The following MRTFB variants were observed in gnomAD, a reference collection of about 807,000 sequenced individuals.
MRTFB encodes myocardin-related transcription factor B.
Under a neutral mutation model 104.2 loss-of-function variants are expected in MRTFB, and 29 were observed. The ratio of observed to expected loss-of-function variants is 0.28; its 90% confidence interval spans 0.21 to 0.38. The LOEUF is 0.38. Ranked by LOEUF, MRTFB falls within the 10% of genes least tolerant of loss-of-function variation. The probability of loss-of-function intolerance (pLI) is 1.00; values close to 1 mark genes in which losing one functional copy is unlikely to be tolerated. For missense variants in MRTFB, 1,270 were observed against 1,341.6 expected (o/e 0.95, Z 0.83); for synonymous variants, 535 against 519.5 (o/e 1.03, Z -0.41).
intron 9 of MRTFB, among the ~76,000 whole-genome samples, chr16:14,236,111 G>A (rs1242273766): frequency 6.6e-6 from 1 of 151,944 alleles, no homozygotes; most frequent in African/African-American, 2.4e-5. Context: ...AGCCCAGGAG[G>A]TTAAGGCTGC....
the MRTFB span, chr16:14,020,453 C>G: frequency 6.6e-6 from 1 of 152,130 alleles, no homozygotes; most frequent in African/African-American, 2.4e-5. Context: ...ATTCTTGAAG[C>G]TTATAGCCAA....
intron 2 of MRTFB, among the ~76,000 whole-genome samples, chr16:14,081,465 G>A (rs1259038266): frequency 1.3e-5 from 2 of 152,014 alleles, no homozygotes; most frequent in Admixed American, 1.3e-4. Flanking sequence ...GCTAATTTTT[G>A]TATTTTTAGT....
the MRTFB span, among the ~76,000 whole-genome samples, chr16:13,999,815 A>G: frequency 6.6e-5 from 10 of 152,162 alleles, no homozygotes; most frequent in African/African-American, 2.2e-4. Context: ...TTTATTATAT[A>G]AGCCAATGTA....
At chr16:14,053,174 C>T in the MRTFB span, among the ~76,000 whole-genome samples, 3 of 152,050 alleles carry the variant, frequency 2.0e-5, no homozygotes, top group Admixed American at 1.3e-4. Flanking sequence ...GATCCTCCCA[C>T]GTCGACCTCC....
At chr16:14,029,445 T>TATATAC in the MRTFB span, among the ~76,000 whole-genome samples, 1,425 of 85,772 alleles carry the variant, frequency 0.017, 28 homozygotes, top group Middle Eastern at 0.052. Flanking sequence ...TATATATATA[T>TATATAC]ACACACACAC....
the MRTFB span, among the ~76,000 whole-genome samples, chr16:14,001,090 C>T: frequency 1.9e-3 from 291 of 152,374 alleles, 2 homozygotes; most frequent in African/African-American, 6.8e-3. Context: ...TCCGCAGTAC[C>T]TGCCCTTTGA....
intron 15 of MRTFB, among the ~76,000 whole-genome samples, chr16:14,253,232 C>T (rs1312868428): frequency 6.6e-6 from 1 of 152,192 alleles, no homozygotes; most frequent in Non-Finnish European, 1.5e-5. Flanking sequence ...TCCAATCTTT[C>T]TCTCTAAAGC....
At chr16:14,148,998 A>C (rs61693452) in intron 3 of MRTFB, among the ~76,000 whole-genome samples, 1 of 152,222 alleles carries the variant, frequency 6.6e-6, no homozygotes, top group Non-Finnish European at 1.5e-5. Flanking sequence ...ATTAGTAAAC[A>C]TACTTGCCAG....
chr16:14,157,620 T>A (rs1476976315), intron 3 of MRTFB, among the ~76,000 whole-genome samples: 1 of 152,082 alleles, frequency 6.6e-6, no homozygotes, highest in Non-Finnish European at 1.5e-5. Flanking sequence ...GTGGGCTTGG[T>A]GAGGGAGGCT....
intron 2 of MRTFB, among the ~76,000 whole-genome samples, chr16:14,096,129 T>G (rs2035354353): frequency 6.6e-6 from 1 of 152,062 alleles, no homozygotes; most frequent in Non-Finnish European, 1.5e-5. Context: ...CAGGCTGCAG[T>G]GCAGTGGCGC....
intron 3 of MRTFB, among the ~76,000 whole-genome samples, chr16:14,145,507 C>CG (rs1336700747): frequency 6.6e-6 from 1 of 152,064 alleles, no homozygotes; most frequent in Non-Finnish European, 1.5e-5. Context: ...GATAGTGGAG[C>CG]GGCAGGATAT....
chr16:14,148,866 T>C (rs2038466187), intron 3 of MRTFB: 1 of 152,364 alleles, frequency 6.6e-6, no homozygotes, highest in African/African-American at 2.4e-5. Context: ...GTTTGCCGTG[T>C]GCTATTCATT....
At chr16:14,188,835 TTC>T (rs1328624880) in intron 3 of MRTFB, among the ~76,000 whole-genome samples, 12 of 152,190 alleles carry the variant, frequency 7.9e-5, no homozygotes, top group South Asian at 2.1e-4. Context: ...TTCTTTTTCC[TTC>T]TGTTTAAATT....
chr16:14,060,922 AG>A, the MRTFB span, among the ~76,000 whole-genome samples: 1 of 151,958 alleles, frequency 6.6e-6, no homozygotes, highest in Non-Finnish European at 1.5e-5. Context: ...CAAGGTGGGC[AG>A]ATCAGGAGGT....
chr16:14,161,718 A>G (rs1419793674), intron 3 of MRTFB, among the ~76,000 whole-genome samples: 2 of 152,192 alleles, frequency 1.3e-5, no homozygotes, highest in Non-Finnish European at 1.5e-5. Context: ...TAGCATATAG[A>G]AGGACTTCTA....
At chr16:14,117,001 A>T (rs1033057128) in intron 2 of MRTFB, among the ~76,000 whole-genome samples, 27 of 152,210 alleles carry the variant, frequency 1.8e-4, no homozygotes, top group Non-Finnish European at 4.0e-4. Flanking sequence ...ACAGATGAAG[A>T]GTCTAGCTCA....
At chr16:14,007,013 T>A in the MRTFB span, among the ~76,000 whole-genome samples, 4 of 152,200 alleles carry the variant, frequency 2.6e-5, no homozygotes, top group Non-Finnish European at 5.9e-5. Context: ...TGAGACCCTG[T>A]CTATTAAAAT....
intron 8 of MRTFB, among the ~76,000 whole-genome samples, chr16:14,229,345 C>CAT (rs2042156751): frequency 6.6e-6 from 1 of 152,020 alleles, no homozygotes; most frequent in South Asian, 2.1e-4. Flanking sequence ...TTTTATTCAA[C>CAT]TCATTTTTCA....
chr16:14,121,885 T>A (rs552990583), intron 2 of MRTFB, among the ~76,000 whole-genome samples: 69 of 152,356 alleles, frequency 4.5e-4, no homozygotes, highest in African/African-American at 1.3e-3. Flanking sequence ...CTGAGTTTTT[T>A]AATTTAATTG....
Sources: gnomAD v4.1 joint callset for allele counts (sites outside exome capture counted in the v4.1 genomes callset) on GRCh38, gnomAD v4.1.1 for gene constraint, MANE v1.5 for transcripts, NCBI Gene and HGNC (gene_info 2026-07-23, HGNC 2026-07-21) for gene names.